SKOR2: variants seen among roughly 807,000 people sequenced by gnomAD.
SKOR2 encodes the protein SKI family transcriptional corepressor 2, also known as LBX1 corepressor 1-like protein.
In SKOR2, 47 loss-of-function variants were observed where a neutral mutation model predicts 69.1. That is an observed-to-expected ratio of 0.68 (90% CI 0.54 to 0.87). The LOEUF is 0.87. Among genes scored for constraint, SKOR2 ranks in the 40% least tolerant of loss-of-function variants. The pLI is 0.00. For missense variants in SKOR2, 1,404 were observed against 1,472.2 expected, an observed-to-expected ratio of 0.95 and a Z score of 0.76; for synonymous variants, 717 against 672.6, an observed-to-expected ratio of 1.07 and a Z score of -1.02.
chr18:47,206,971 T>C (rs2064115072), intron 8 of SKOR2, 79 bp from the exon 9 acceptor site: 1 of 152,186 alleles, frequency 6.6e-6, no homozygotes, highest in African/African-American at 2.4e-5. Flanking sequence ...AAGTAATATT[T>C]AGTATACCCT....
At chr18:47,216,553 G>T (rs1409612666) in intron 7 of SKOR2, among the ~76,000 whole-genome samples, 1 of 152,140 alleles carries the variant, frequency 6.6e-6, no homozygotes, top group African/African-American at 2.4e-5. Flanking sequence ...ACGGGAAAAA[G>T]AAGCAATGGT....
intron 4 of SKOR2, 194 bp from the exon 5 acceptor site, chr18:47,231,194 G>T (rs935708678): frequency 6.5e-7 from 1 of 1,535,776 alleles, no homozygotes; most frequent in Non-Finnish European, 8.7e-7. Context: ...TGCAGAAAAG[G>T]AGGGCAGAGC....
intron 4 of SKOR2, among the ~76,000 whole-genome samples, chr18:47,238,668 T>C (rs773008379): frequency 1.3e-5 from 2 of 152,190 alleles, no homozygotes; most frequent in Non-Finnish European, 2.9e-5. Flanking sequence ...TGTCTATACA[T>C]GAGATACACA....
In SKOR2 at chr18:47,249,043, G is replaced by A. The variant is rs764834276; in HGVS notation, c.141C>T (p.Tyr47=). ...KPNQVGQVIL[Y]GIPIVSLVID... ...TCACCAACGACACGATGGGAATGCC[G>A]TAGAGGATCACCTGGCCCACCTGGT... is the stretch of plus-strand genomic sequence containing the variant. The change falls in exon 2 of 9, where the codon TAC becomes TAT. Residue 47 remains tyrosine (Y), a synonymous_variant. Coordinates refer to ENST00000425639, the MANE Select transcript of SKOR2 (RefSeq NM_001278063.4). 6.5e-6 allele frequency: 10 copies of A among 1,538,624 alleles called. No individual in the cohort carries two copies. The highest frequency in any genetic ancestry group is 2.7e-5 in the African/African-American group (2 of 73,164).
intron 1 of SKOR2, among the ~76,000 whole-genome samples, chr18:47,249,799 C>T (rs2064304796): frequency 6.6e-6 from 1 of 152,134 alleles, no homozygotes; most frequent in Non-Finnish European, 1.5e-5. Flanking sequence ...CGAAATCAGC[C>T]TTCTCCCTCA....
intron 6 of SKOR2, among the ~76,000 whole-genome samples, chr18:47,229,008 C>A (rs548694049): frequency 6.6e-6 from 1 of 152,304 alleles, no homozygotes; most frequent in East Asian, 1.9e-4. Context: ...GGTCAGAGTT[C>A]TCTTCCATCA....
rs1600051751 is a variant in SKOR2, at chr18:47,248,083, C to G, written c.1101G>C (p.Gly367=). ...VAGVGVGAGA[G]AGAGAGAKGP... is the part of the protein sequence containing the mutation. ...CTTTGGCCCCTGCCCCGGCACCCGC[C>G]CCCGCGCCCGCGCCCACGCCCACGC... The change falls in exon 2 of 9, where the codon GGG becomes GGC. Residue 367 remains glycine, a synonymous_variant. Transcript: ENST00000425639. The surrounding 1 kb of genome is among the most constrained non-coding windows in gnomAD (Gnocchi z 6.4). 1.2e-5 allele frequency: 17 copies of G among 1,385,816 alleles called. No homozygotes were observed. The highest frequency in any genetic ancestry group is 1.5e-5 in the Non-Finnish European group (16 of 1,071,788). 85.8% of individuals were successfully genotyped at this position (1,385,816 alleles called of 1,614,324 possible). A position where few individuals can be genotyped will look rare whatever the true frequency, so the allele number is the denominator to read the frequency against.
chr18:47,211,828 G>A (rs1285625878), intron 8 of SKOR2, among the ~76,000 whole-genome samples: 4 of 152,090 alleles, frequency 2.6e-5, no homozygotes, highest in East Asian at 1.9e-4. Flanking sequence ...ATCTTAAAAC[G>A]GAAAGAAGAT....
At chr18:47,234,016 C>A (rs1042256713) in intron 4 of SKOR2, among the ~76,000 whole-genome samples, 10 of 152,204 alleles carry the variant, frequency 6.6e-5, no homozygotes, top group African/African-American at 2.2e-4. Flanking sequence ...TGGGTAAAAT[C>A]TGCCAATTTT....
rs1658607180 is a variant in SKOR2, at chr18:47,247,260, C to G, written c.1924G>C (p.Ala642Pro). ...GCCGAGTGGGGCGCGCCCGCCGACG[C>G]CCCGTGCAGCTTGGCCAGGCTCTCC... Reference protein sequence around the residue: ...DAESLAKLHGASAGAPHSAQT... With the variant: ...DAESLAKLHGPSAGAPHSAQT... Residue 642 changes from alanine (A) to proline (P), a missense_variant, in exon 2 of 9, where the codon GCG (alanine) becomes CCG (proline). Physicochemically the swap from Ala to Pro is conservative, Grantham distance 27. Around this residue, in one of 3 missense-constraint regions of SKOR2, gnomAD observed 1,266 missense variants for 1,309.9 expected, o/e 0.97. Transcript: ENST00000425639. The surrounding 1 kb of genome is among the most constrained non-coding windows in gnomAD (Gnocchi z 6.6). 2.7e-6 allele frequency: 4 copies of G among 1,478,064 alleles called. No individual in the cohort carries two copies. The highest frequency in any genetic ancestry group is 3.6e-6 in the Non-Finnish European group (4 of 1,120,174). 91.6% of individuals were successfully genotyped at this position (1,478,064 alleles called of 1,614,324 possible).
At chr18:47,222,408 G>A (rs2064164525) in intron 6 of SKOR2, among the ~76,000 whole-genome samples, 1 of 152,166 alleles carries the variant, frequency 6.6e-6, no homozygotes, top group South Asian at 2.1e-4. Context: ...CAGGGGAAGT[G>A]AGGGAAAGAT....
At chr18:47,249,315 A>G (rs2064302862) in intron 1 of SKOR2, 85 bp from the exon 2 acceptor site, 1 of 1,237,788 alleles carries the variant, frequency 8.1e-7, no homozygotes, top group Non-Finnish European at 1.1e-6. Context: ...AAAGAATTAG[A>G]ATAACTTTCT....
Position 47,247,452 on chromosome 18 carries a change from C to A in SKOR2, c.1732G>T (p.Asp578Tyr). 8 of 1,240,976 alleles carry A rather than the reference C, an allele frequency of 6.4e-6. No individual in the cohort carries two copies. The highest frequency in any genetic ancestry group is 8.1e-6 in the Non-Finnish European group (8 of 993,530). The allele number at this position is 1,240,976 out of a possible 1,614,324, so 76.9% of individuals were successfully genotyped here. The part of the protein sequence containing the change: ...DCSAGSTPPA[D>Y]SVAAAGAGAA... ...CCTGCCCCGGCAGCTGCCACAGAGT[C>A]CGCGGGCGGCGTGGAGCCCGCGCTG... Residue 578 changes from aspartate to tyrosine, a missense_variant, in exon 2 of 9, where the codon GAC becomes TAC. Transcript: ENST00000425639. This position sits in a 1 kb window ranked among gnomAD's most constrained non-coding sequence, Gnocchi z 6.6.
chr18:47,234,099 A>G (rs1417657781), intron 4 of SKOR2, among the ~76,000 whole-genome samples: 2 of 152,360 alleles, frequency 1.3e-5, no homozygotes, highest in East Asian at 3.9e-4. Flanking sequence ...AATAAAAAGC[A>G]CAGAAGCTTC....
rs1568086559 is a variant in SKOR2, at chr18:47,230,660, GT to G, written c.2819-104del. On this transcript the variant is annotated intron_variant, in intron 5 of 8. Transcript: ENST00000425639. ...TATTATAAGACAAAATATTTTACCAGTTTAAAAAGTGTTGCATAGACATAGG... is the reference window on the plus strand; with the variant it reads ...TATTATAAGACAAAATATTTTACCAGTTAAAAAGTGTTGCATAGACATAGG... 21 of 788,984 alleles carry G rather than the reference GT, an allele frequency of 2.7e-5. No individual in the cohort carries two copies. The South Asian group carries it at 5.8e-4, about 22-fold the overall frequency. 48.9% of individuals were successfully genotyped at this position (788,984 alleles called of 1,614,324 possible).
chr18:47,218,826 G>A (rs2064152311), intron 7 of SKOR2, among the ~76,000 whole-genome samples: 1 of 152,036 alleles, frequency 6.6e-6, no homozygotes, highest in Admixed American at 6.6e-5. Flanking sequence ...GTGAATTCAG[G>A]TGCAAACAAA....
rs2144518764 is a variant in SKOR2 at position 47,248,239 on chromosome 18, G to A, written c.945C>T (p.Asp315=). The change falls in exon 2 of 9, where the codon GAC becomes GAT. Residue 315 remains aspartate (D), a synonymous_variant. Coordinates refer to ENST00000425639, the MANE Select transcript of SKOR2 (RefSeq NM_001278063.4). The surrounding 1 kb of genome is among the most constrained non-coding windows in gnomAD (Gnocchi z 6.4). The part of the protein sequence containing the change: ...HHKRPRFDDD[D]DSLQEAAVVA... The stretch of plus-strand genomic sequence containing the variant: ...CTACGGCGGCCTCCTGCAAGGAGTC[G>A]TCGTCGTCGTCGAAGCGCGGCCGCT... 8.2e-7 allele frequency: 1 copy of A among 1,224,002 alleles called. No individual in the cohort carries two copies. Among genetic ancestry groups the A allele is most frequent in the Non-Finnish European group, 1.0e-6 (1 of 984,494 alleles). 75.8% of individuals were successfully genotyped at this position (1,224,002 alleles called of 1,614,324 possible).
rs1434928899 is a variant in SKOR2 at position 47,248,758 on chromosome 18, A to G, written c.426T>C (p.Asn142=). The G allele has an allele frequency of 6.4e-7, 1 of 1,550,812 alleles. No individual in the cohort carries two copies. The highest frequency in any genetic ancestry group is 2.4e-5 in the East Asian group (1 of 41,716). Reference sequence around the variant, plus strand: ...ACTCGTGTGACACGTCGAAGGCGAAATTGTCTGGCAGCTTGGGCGGCCTGT... The same window carrying G: ...ACTCGTGTGACACGTCGAAGGCGAAGTTGTCTGGCAGCTTGGGCGGCCTGT... ...GENRPPKLPD[N]FAFDVSHECA... Residue 142 remains asparagine (N), a synonymous_variant, in exon 2 of 9, where the codon AAT becomes AAC. Transcript: ENST00000425639. The surrounding 1 kb of genome is among the most constrained non-coding windows in gnomAD (Gnocchi z 6.4).
intron 8 of SKOR2, among the ~76,000 whole-genome samples, chr18:47,209,435 T>G (rs1004240572): frequency 2.0e-5 from 3 of 152,192 alleles, no homozygotes; most frequent in African/African-American, 7.2e-5. Flanking sequence ...CCTTGCAGAC[T>G]TGGCATGTTG....
Sources: gnomAD v4.1 joint callset for allele counts (sites outside exome capture counted in the v4.1 genomes callset) on GRCh38, gnomAD v4.1.1 for gene constraint, gnomAD v4.1.1 regional missense constraint, Gnocchi (gnomAD v3.1) non-coding constraint, MANE v1.5 for transcripts, NCBI Gene and HGNC (gene_info 2026-07-23, HGNC 2026-07-21) for gene names.